The following SHISA9 variants were observed in gnomAD, a reference collection of about 807,000 sequenced individuals.
SHISA9 encodes the protein protein shisa-9.
A neutral mutation model predicts 38.0 loss-of-function variants in SHISA9; 13 were observed. That is an observed-to-expected ratio of 0.34 (90% CI 0.22 to 0.54). The LOEUF (loss-of-function observed/expected upper bound fraction) is 0.54. Among genes scored for constraint, SHISA9 ranks in the 20% least tolerant of loss-of-function variants. The pLI, the probability that SHISA9 is intolerant of heterozygous loss-of-function variation, is 0.91. For synonymous variants in SHISA9, 275 were observed against 242.0 expected (o/e 1.14, Z -1.27); for missense variants, 538 against 575.8 (o/e 0.93, Z 0.67).
the SHISA9 span, among the ~76,000 whole-genome samples, chr16:13,546,378 T>C: frequency 6.6e-6 from 1 of 152,240 alleles, no homozygotes; most frequent in Admixed American, 6.5e-5. Context: ...AGAATTCCCA[T>C]TAGCATTTCT....
intron 2 of SHISA9, among the ~76,000 whole-genome samples, chr16:12,939,315 C>A (rs2071578183): frequency 6.6e-6 from 1 of 152,176 alleles, no homozygotes; most frequent in African/African-American, 2.4e-5. Flanking sequence ...AACTCCTGAC[C>A]TCAGGCAATC....
intron 2 of SHISA9, among the ~76,000 whole-genome samples, chr16:12,939,161 G>GCAGC (rs1394423103): frequency 6.6e-6 from 1 of 152,024 alleles, no homozygotes; most frequent in Non-Finnish European, 1.5e-5. Context: ...TTGGCTCACT[G>GCAGC]CAGCTTCTGT....
At chr16:13,344,354 G>C in the SHISA9 span, among the ~76,000 whole-genome samples, 9 of 152,134 alleles carry the variant, frequency 5.9e-5, no homozygotes, top group African/African-American at 2.2e-4. Flanking sequence ...GTATAGGAAT[G>C]GGGGGTGGAA....
chr16:13,136,129 A>G (rs947755799), intron 2 of SHISA9, among the ~76,000 whole-genome samples: 2 of 152,176 alleles, frequency 1.3e-5, no homozygotes, highest in Non-Finnish European at 2.9e-5. Context: ...TTATTAGAAT[A>G]TAGTGGGAAA....
Position 13,238,801 on chromosome 16 carries a change from G to C in SHISA9, c.*3392G>C, listed in dbSNP as rs1005624176. The C allele has an allele frequency of 7.1e-6, 1 of 141,552 alleles. No homozygotes were observed. Among genetic ancestry groups the C allele is most frequent in the Non-Finnish European group, 1.5e-5 (1 of 66,042 alleles). 8.8% of individuals were successfully genotyped at this position (141,552 alleles called of 1,614,324 possible). ...GTCTTTTTATTCTTTTTTTTTTAAT[G>C]TATCCATGGAGTATTTATTATTATT... On this transcript the variant is annotated 3_prime_UTR_variant, in exon 5 of 5. Transcript: ENST00000558583.
At chr16:13,018,392 G>T (rs1184450306) in intron 2 of SHISA9, among the ~76,000 whole-genome samples, 1 of 152,186 alleles carries the variant, frequency 6.6e-6, no homozygotes, top group Non-Finnish European at 1.5e-5. Flanking sequence ...TTTTGGTATT[G>T]CCTGTTTCCT....
At chr16:13,494,676 G>A in the SHISA9 span, among the ~76,000 whole-genome samples, 271 of 152,166 alleles carry the variant, frequency 1.8e-3, 1 homozygote, top group African/African-American at 6.2e-3. Context: ...CCATATGGCA[G>A]AATATTTTAC....
chr16:12,942,911 C>T (rs1221293901), intron 2 of SHISA9, among the ~76,000 whole-genome samples: 1 of 152,142 alleles, frequency 6.6e-6, no homozygotes, highest in African/African-American at 2.4e-5. Context: ...AACAGATGTT[C>T]TCGGGGCTCT....
chr16:13,505,818 G>C, the SHISA9 span, among the ~76,000 whole-genome samples: 1 of 152,202 alleles, frequency 6.6e-6, no homozygotes, highest in Non-Finnish European at 1.5e-5. Context: ...TCCTGGGTCT[G>C]GGTTGGTTGC....
At chr16:13,364,827 T>C in the SHISA9 span, among the ~76,000 whole-genome samples, 1 of 152,222 alleles carries the variant, frequency 6.6e-6, no homozygotes. Context: ...CACATTTATT[T>C]GAGCATGTTG....
chr16:13,377,713 C>G, the SHISA9 span, among the ~76,000 whole-genome samples: 6 of 152,288 alleles, frequency 3.9e-5, no homozygotes, highest in Admixed American at 3.3e-4. Context: ...TATCCTTTCT[C>G]TATGAAAAAT....
chr16:13,159,081 AAAAC>A (rs938604249), intron 2 of SHISA9, among the ~76,000 whole-genome samples: 1 of 151,710 alleles, frequency 6.6e-6, no homozygotes, highest in Non-Finnish European at 1.5e-5. Flanking sequence ...AACAAAACCA[AAAAC>A]AAACAACAAA....
chr16:13,334,702 A>T, the SHISA9 span, among the ~76,000 whole-genome samples: 1 of 145,510 alleles, frequency 6.9e-6, no homozygotes, highest in East Asian at 2.2e-4. Context: ...TGAACCTGGG[A>T]GGCAGAGGTT....
chr16:13,114,359 G>A (rs1461712713), intron 2 of SHISA9, among the ~76,000 whole-genome samples: 8 of 151,172 alleles, frequency 5.3e-5, no homozygotes, highest in Non-Finnish European at 8.8e-5. Flanking sequence ...CCAGCTGCTC[G>A]GGAGGCTGAG....
At chr16:13,365,439 A>G in the SHISA9 span, among the ~76,000 whole-genome samples, 1 of 150,000 alleles carries the variant, frequency 6.7e-6, no homozygotes, top group African/African-American at 2.5e-5. Context: ...TAACTCTCCT[A>G]CAGAGAGTAT....
chr16:13,472,377 ATTTTTTTTTTTTTTTT>A, the SHISA9 span, among the ~76,000 whole-genome samples: 28 of 55,470 alleles, frequency 5.0e-4, 1 homozygote, highest in Admixed American at 1.3e-3. Context: ...GCTCTGCTAA[ATTTTTTTTTTTTTTTT>A]TTTTTTTTTT....
chr16:13,371,981 C>G, the SHISA9 span, among the ~76,000 whole-genome samples: 1 of 152,262 alleles, frequency 6.6e-6, no homozygotes, highest in Non-Finnish European at 1.5e-5. Flanking sequence ...TGCCTTTCTT[C>G]TTCTTTGTAA....
intron 2 of SHISA9, among the ~76,000 whole-genome samples, chr16:13,094,283 C>T (rs1018421557): frequency 6.6e-6 from 1 of 152,162 alleles, no homozygotes; most frequent in African/African-American, 2.4e-5. Flanking sequence ...GGCAACTTCC[C>T]ATCCTTGGAA....
the SHISA9 span, among the ~76,000 whole-genome samples, chr16:13,373,050 C>T: frequency 6.6e-6 from 1 of 152,124 alleles, no homozygotes; most frequent in Non-Finnish European, 1.5e-5. Context: ...AGCACCCTCA[C>T]TGAAAGCACA....
Sources: allele counts gnomAD v4.1 joint callset (sites outside exome capture counted in the v4.1 genomes callset), GRCh38; gene constraint gnomAD v4.1.1; transcripts MANE v1.5; gene names NCBI Gene and HGNC (gene_info 2026-07-23, HGNC 2026-07-21).